The following CIB1 variants were observed in gnomAD, a reference collection of about 807,000 sequenced individuals.
CIB1 encodes calcium and integrin binding 1, also known as calcium and integrin-binding protein 1.
In CIB1, 19 loss-of-function variants were observed where a neutral mutation model predicts 25.0. The observed-to-expected ratio is 0.76, with a 90% confidence interval of 0.53 to 1.12. The LOEUF is 1.12. Among genes scored for constraint, CIB1 ranks in the 50% most tolerant of loss-of-function variants. CIB1 has a pLI of 0.00. For missense variants in CIB1, 236 were observed against 242.6 expected, an observed-to-expected ratio of 0.97 and a Z score of 0.18; for synonymous variants, 104 against 98.5, an observed-to-expected ratio of 1.06 and a Z score of -0.33.
chr15:90,245,757 A>G, the CIB1 span: 38 of 152,272 alleles, frequency 2.5e-4, no homozygotes, highest in African/African-American at 8.4e-4. Context: ...CCTGACTCAA[A>G]TATGTTTCTC....
chr15:90,251,072 C>T, the CIB1 span, among the ~76,000 whole-genome samples: 1 of 150,590 alleles, frequency 6.6e-6, no homozygotes, highest in Admixed American at 6.6e-5. Flanking sequence ...TTTAGGCTGG[C>T]TCATTTTGGA....
chr15:90,258,590 CAG>C, the CIB1 span: 2 of 665,640 alleles, frequency 3.0e-6, no homozygotes, highest in South Asian at 1.8e-5. Flanking sequence ...ATCTCTATGG[CAG>C]AGTTTTGTGG....
At chr15:90,255,822 G>GC in the CIB1 span, 9 of 1,614,088 alleles carry the variant, frequency 5.6e-6, no homozygotes, top group Non-Finnish European at 7.6e-6. Context: ...AACCTCAACC[G>GC]CATGTACAAA....
At chr15:90,258,628 C>A in the CIB1 span, 1 of 901,500 alleles carries the variant, frequency 1.1e-6, no homozygotes, top group East Asian at 2.5e-5. Flanking sequence ...CATCCAGCCT[C>A]CCCGGCTGAG....
At chr15:90,233,812 C>A (rs1962567834) in intron 1 of CIB1, 23 bp downstream of exon 1, 5 of 1,548,340 alleles carry the variant, frequency 3.2e-6, no homozygotes, top group Non-Finnish European at 4.4e-6. Flanking sequence ...CGCGAGCTCC[C>A]CAGGGCCAGG....
At chr15:90,263,544 A>G in the CIB1 span, 1 of 550,526 alleles carries the variant, frequency 1.8e-6, no homozygotes, top group Non-Finnish European at 3.2e-6. Flanking sequence ...TTGGGCCAAC[A>G]AAAGAGCTGC....
At chr15:90,248,475 G>T in the CIB1 span, among the ~76,000 whole-genome samples, 1 of 151,922 alleles carries the variant, frequency 6.6e-6, no homozygotes, top group African/African-American at 2.4e-5. Context: ...ACCACTTTGG[G>T]AAGCCAAGGT....
At chr15:90,256,844 C>T in the CIB1 span, among the ~76,000 whole-genome samples, 7 of 152,098 alleles carry the variant, frequency 4.6e-5, no homozygotes, top group South Asian at 4.2e-4. Context: ...CCTGCCACCA[C>T]GCCCAGTTAA....
chr15:90,233,386 G>A (rs9744133), intron 2 of CIB1, among the ~76,000 whole-genome samples: 32,402 of 152,282 alleles, frequency 0.21, 4,024 homozygotes, highest in South Asian at 0.33. Flanking sequence ...CCGGACTGGG[G>A]CAGGAAGTTC....
the CIB1 span, chr15:90,265,455 TAATTA>T: frequency 1.5e-6 from 2 of 1,343,400 alleles, no homozygotes; most frequent in Non-Finnish European, 1.9e-6. Context: ...ATCCGTACTT[TAATTA>T]AAGTTTATGC....
the CIB1 span, among the ~76,000 whole-genome samples, chr15:90,240,273 C>T: frequency 5.1e-4 from 78 of 151,828 alleles, no homozygotes; most frequent in African/African-American, 1.7e-3. Context: ...TTTGGGAAGC[C>T]GAGAGGGGAG....
chr15:90,231,219 G>C lies in CIB1; in HGVS notation c.347-6C>G, dbSNP rs199557034. On this transcript the variant is annotated splice_polypyrimidine_tract_variant and splice_region_variant and intron_variant, in intron 4 of 6. Coordinates refer to ENST00000328649, the MANE Select transcript of CIB1 (RefSeq NM_006384.4). ...GGTTCCGTCATCATCAAAGTCTAGAGAGCAGACACAGGAAGCCAAAAGACA... is the reference window on the plus strand; with the variant it reads ...GGTTCCGTCATCATCAAAGTCTAGACAGCAGACACAGGAAGCCAAAAGACA... 1 of 403,822 alleles carries C rather than the reference G, an allele frequency of 2.5e-6. No homozygotes were observed. Among genetic ancestry groups the C allele is most frequent in the South Asian group, 8.3e-5 (1 of 12,028 alleles). 25.0% of individuals were successfully genotyped at this position (403,822 alleles called of 1,614,324 possible). A position where few individuals can be genotyped will look rare whatever the true frequency, so the allele number is the denominator to read the frequency against.
chr15:90,242,065 A>G, the CIB1 span: 2 of 1,597,696 alleles, frequency 1.3e-6, no homozygotes, highest in Non-Finnish European at 1.7e-6. Context: ...GAAGAGCAAT[A>G]ATACTTCTGG....
chr15:90,234,193 C>CGTGCGTGCTGGCTGCGT (rs1962581932), upstream of CIB1: 1 of 301,636 alleles, frequency 3.3e-6, no homozygotes, highest in African/African-American at 2.2e-5. Flanking sequence ...ACGCCGCGCG[C>CGTGCGTGCTGGCTGCGT]GTGCGTGCTG....
chr15:90,256,189 T>C, the CIB1 span: 5 of 1,614,042 alleles, frequency 3.1e-6, no homozygotes, highest in African/African-American at 2.7e-5. Flanking sequence ...CCCGCACATA[T>C]ATCTGCAAGC....
At chr15:90,261,929 A>C in the CIB1 span, 3 of 1,239,322 alleles carry the variant, frequency 2.4e-6, no homozygotes, top group South Asian at 3.8e-5. Context: ...AGGGTCTCCA[A>C]ACCTTAGTCA....
At position 90,230,569 on chromosome 15, in the gene CIB1, T is replaced by C. The variant is rs74037064; in HGVS notation, c.555-64A>G. ...GGAGGGCAGGGACTAAACCCGAACT[T>C]GCCCCCTTCTCCCTTTAGACCCTTC... On this transcript the variant is annotated intron_variant, in intron 6 of 6. Transcript: ENST00000328649. 0.012 allele frequency: 17,779 copies of C among 1,514,646 alleles called. 1,519 individuals carry two copies. The African/African-American group carries it at 0.2, about 17-fold the overall frequency. The allele number at this position is 1,514,646 out of a possible 1,614,324, so 93.8% of individuals were successfully genotyped here.
At chr15:90,265,275 C>A in the CIB1 span, 300,932 of 1,232,352 alleles carry the variant, frequency 0.24, 38,457 homozygotes, top group South Asian at 0.34. Context: ...CGGCCCGGGG[C>A]TGGAGGCCAT....
chr15:90,262,670 G>A, the CIB1 span: 1 of 1,478,646 alleles, frequency 6.8e-7, no homozygotes, highest in Non-Finnish European at 8.9e-7. Flanking sequence ...GGAGAAAGAG[G>A]TGCCAGGGGT....
Sources: allele counts gnomAD v4.1 joint callset (sites outside exome capture counted in the v4.1 genomes callset), GRCh38; gene constraint gnomAD v4.1.1; transcripts MANE v1.5; gene names NCBI Gene and HGNC (gene_info 2026-07-23, HGNC 2026-07-21).